Variants in LRP1B observed in about 807,000 individuals in gnomAD.
LRP1B encodes LDL receptor related protein 1B.
Under a neutral mutation model 556.6 loss-of-function variants are expected in LRP1B, and 217 were observed. The ratio of observed to expected loss-of-function variants is 0.39; its 90% confidence interval spans 0.35 to 0.44. The LOEUF is 0.44. Ranked by LOEUF, LRP1B falls within the 20% of genes least tolerant of loss-of-function variation. LRP1B has a pLI of 1.00. For synonymous variants in LRP1B, 2,047 were observed against 1,865.8 expected, an observed-to-expected ratio of 1.10 and a Z score of -2.50; for missense variants, 5,053 against 5,620.8, an observed-to-expected ratio of 0.90 and a Z score of 3.23.
chr2:140,456,721 C>A lies in LRP1B; in HGVS notation c.9815-118G>T, dbSNP rs16843989. 3,472 of 773,864 alleles carry A rather than the reference C, an allele frequency of 4.5e-3. 74 individuals carry two copies. The African/African-American group carries it at 0.05, about 11-fold the overall frequency. The allele number at this position is 773,864 out of a possible 1,614,324, so 47.9% of individuals were successfully genotyped here. A position where few individuals can be genotyped will look rare whatever the true frequency, so the allele number is the denominator to read the frequency against. ...ACTTGAATTAGAATAAATCTTTGTACTCAAGAACTCATCAAGACTATAAAT... is the reference window on the plus strand; with the variant it reads ...ACTTGAATTAGAATAAATCTTTGTAATCAAGAACTCATCAAGACTATAAAT... On this transcript the variant is annotated intron_variant, in intron 61 of 90. Coordinates refer to ENST00000389484, the MANE Select transcript of LRP1B (RefSeq NM_018557.3).
At chr2:141,821,619 A>G (rs1696755494) in intron 1 of LRP1B, among the ~76,000 whole-genome samples, 1 of 152,230 alleles carries the variant, frequency 6.6e-6, no homozygotes. Context: ...ACAAGTGTGT[A>G]TACATGTTTT....
chr2:140,593,309 A>G (rs1044632014), intron 43 of LRP1B, among the ~76,000 whole-genome samples: 1 of 152,210 alleles, frequency 6.6e-6, no homozygotes, highest in Non-Finnish European at 1.5e-5. Flanking sequence ...GGTTTGTATC[A>G]TGCAGGTAGC....
chr2:141,029,381 G>A (rs543619072), intron 11 of LRP1B, among the ~76,000 whole-genome samples: 30 of 152,220 alleles, frequency 2.0e-4, no homozygotes, highest in Non-Finnish European at 1.5e-4. Flanking sequence ...TGGGCCTTGA[G>A]TGTCCCTGTA....
At chr2:142,127,431 A>G (rs1259546162) in intron 1 of LRP1B, among the ~76,000 whole-genome samples, 3 of 151,628 alleles carry the variant, frequency 2.0e-5, no homozygotes, top group African/African-American at 4.8e-5. Context: ...ATTTATCTTC[A>G]GCTTTCTCTT....
chr2:140,252,061 G>C (rs1382261119), intron 86 of LRP1B, among the ~76,000 whole-genome samples: 1 of 446 alleles, frequency 2.2e-3, no homozygotes. Context: ...ATGACAAGAT[G>C]CAAAAAAAAA....
chr2:140,719,060 A>AGTGTCT (rs1407946337), intron 35 of LRP1B, among the ~76,000 whole-genome samples: 1 of 151,996 alleles, frequency 6.6e-6, no homozygotes, highest in African/African-American at 2.4e-5. Flanking sequence ...TTGTTTGTTG[A>AGTGTCT]GTGTCTCTTT....
At chr2:140,244,916 C>T (rs564538349) in intron 87 of LRP1B, among the ~76,000 whole-genome samples, 7 of 151,398 alleles carry the variant, frequency 4.6e-5, no homozygotes, top group African/African-American at 1.7e-4. Flanking sequence ...TTCAAAACCA[C>T]TAGATTTTAC....
chr2:140,346,078 C>A (rs192177785), intron 77 of LRP1B, among the ~76,000 whole-genome samples: 203 of 150,754 alleles, frequency 1.3e-3, no homozygotes, highest in Non-Finnish European at 2.5e-3. Context: ...CTCTTTCTTC[C>A]CTAGAAAATA....
intron 7 of LRP1B, among the ~76,000 whole-genome samples, chr2:141,122,675 T>C (rs1701090728): frequency 6.6e-6 from 1 of 152,158 alleles, no homozygotes; most frequent in South Asian, 2.1e-4. Flanking sequence ...GTTCAACCAT[T>C]GTGGAAGACA....
rs148123663 is a variant in LRP1B, at chr2:140,471,034, G to C, written c.9625+4104C>G. ...GAGGGTTTCAGTTTGGGAGTTGTAA[G>C]GAATCAAACCCAAATATATGGACCT... On this transcript the variant is annotated intron_variant, in intron 60 of 90. Transcript: ENST00000389484. Among the ~76,000 whole-genome samples, 75 of 152,208 alleles carry C rather than the reference G, an allele frequency of 4.9e-4. No homozygotes were observed. The East Asian group carries it at 0.013, about 27-fold the overall frequency.
At chr2:141,545,508 T>C (rs146152330) in intron 2 of LRP1B, among the ~76,000 whole-genome samples, 9 of 152,244 alleles carry the variant, frequency 5.9e-5, no homozygotes, top group Middle Eastern at 6.8e-3. Context: ...AAGATAATTC[T>C]GGATTATCCA....
chr2:141,085,361 A>G (rs1363075285), intron 7 of LRP1B, among the ~76,000 whole-genome samples: 2 of 152,208 alleles, frequency 1.3e-5, no homozygotes, highest in African/African-American at 4.8e-5. Flanking sequence ...GTACCTCAGA[A>G]TGTGACTGTA....
chr2:141,880,134 G>A (rs1216154365), intron 1 of LRP1B, among the ~76,000 whole-genome samples: 1 of 151,798 alleles, frequency 6.6e-6, no homozygotes, highest in African/African-American at 2.4e-5. Flanking sequence ...TTCTCTCTCT[G>A]ACACAATGAG....
At chr2:140,292,733 C>T (rs1683441415) in intron 84 of LRP1B, among the ~76,000 whole-genome samples, 1 of 152,154 alleles carries the variant, frequency 6.6e-6, no homozygotes, top group South Asian at 2.1e-4. Context: ...ATGTTTCTGA[C>T]CTCACTATTT....
chr2:140,984,840 T>C (rs1255710456), intron 17 of LRP1B, among the ~76,000 whole-genome samples: 1 of 152,142 alleles, frequency 6.6e-6, no homozygotes, highest in African/African-American at 2.4e-5. Context: ...CAATTTTAAC[T>C]GATTTCAGAT....
chr2:141,193,162 A>G (rs1476194507), intron 6 of LRP1B, among the ~76,000 whole-genome samples: 5 of 152,034 alleles, frequency 3.3e-5, no homozygotes, highest in Non-Finnish European at 7.4e-5. Context: ...ACCATTGTAG[A>G]AAGCAGTATG....
intron 18 of LRP1B, among the ~76,000 whole-genome samples, chr2:140,962,885 C>T (rs1696078497): frequency 6.6e-6 from 1 of 152,108 alleles, no homozygotes; most frequent in Non-Finnish European, 1.5e-5. Flanking sequence ...GCTGCTATGG[C>T]TACACAGCAA....
At chr2:141,246,690 C>T (rs2105325687) in intron 5 of LRP1B, among the ~76,000 whole-genome samples, 1 of 152,284 alleles carries the variant, frequency 6.6e-6, no homozygotes, top group East Asian at 1.9e-4. Flanking sequence ...ATAGGCTGGG[C>T]ACTGCGGCTC....
intron 83 of LRP1B, among the ~76,000 whole-genome samples, chr2:140,307,576 T>C (rs1438747192): frequency 6.6e-6 from 1 of 151,846 alleles, no homozygotes; most frequent in Non-Finnish European, 1.5e-5. Flanking sequence ...TAGAATATTT[T>C]CTATTATATG....
Sources: allele counts gnomAD v4.1 joint callset (sites outside exome capture counted in the v4.1 genomes callset), GRCh38; gene constraint gnomAD v4.1.1; transcripts MANE v1.5; gene names NCBI Gene and HGNC (gene_info 2026-07-23, HGNC 2026-07-21).